Variants in RANBP17 observed in about 807,000 individuals in gnomAD.
The protein encoded by RANBP17 is ran-binding protein 17.
In RANBP17, 158 loss-of-function variants were observed where a neutral mutation model predicts 141.2. That is an observed-to-expected ratio of 1.12 (90% CI 0.98 to 1.28). The LOEUF is 1.28. RANBP17 is among the 50% of genes most tolerant of loss of function. The pLI is 0.00. For synonymous variants in RANBP17, 430 were observed against 450.0 expected (o/e 0.96, Z 0.56); for missense variants, 1,438 against 1,290.7 (o/e 1.11, Z -1.75).
At chr5:171,115,294 C>A (rs1014429260) in intron 14 of RANBP17, among the ~76,000 whole-genome samples, 1 of 152,022 alleles carries the variant, frequency 6.6e-6, no homozygotes, top group African/African-American at 2.4e-5. Flanking sequence ...TTAGCAAATT[C>A]TACTCCCATT....
intron 14 of RANBP17, among the ~76,000 whole-genome samples, chr5:170,986,743 C>T (rs1196993568): frequency 2.6e-5 from 4 of 151,810 alleles, no homozygotes; most frequent in Non-Finnish European, 4.4e-5. Flanking sequence ...ACTTATTATT[C>T]AACCTTTTTC....
intron 25 of RANBP17, among the ~76,000 whole-genome samples, chr5:171,272,094 A>G (rs189409421): frequency 1.3e-5 from 2 of 152,346 alleles, no homozygotes; most frequent in African/African-American, 2.4e-5. Context: ...ACGCAGAAGC[A>G]GAAAACTAAA....
chr5:171,107,314 G>A (rs962551739), intron 14 of RANBP17, among the ~76,000 whole-genome samples: 7 of 152,152 alleles, frequency 4.6e-5, no homozygotes, highest in African/African-American at 1.7e-4. Context: ...CACATGATAT[G>A]TTCAGAACTA....
At chr5:171,224,187 C>A (rs1047115257) in intron 22 of RANBP17, among the ~76,000 whole-genome samples, 7 of 152,202 alleles carry the variant, frequency 4.6e-5, no homozygotes, top group South Asian at 4.1e-4. Flanking sequence ...CCACACTGCC[C>A]TGCTTCCTCT....
chr5:171,295,869 T>A lies in RANBP17; in HGVS notation c.3043-18T>A. 1 of 1,611,220 alleles carries A rather than the reference T, an allele frequency of 6.2e-7. No individual in the cohort carries two copies. Among genetic ancestry groups the A allele is most frequent in the Non-Finnish European group, 8.5e-7 (1 of 1,178,198 alleles). ...GGACTTGGAGTCGGAGCTCTGACAC[T>A]ATTCTGTCTCCCATCAGTATTTCAG... On this transcript the variant is annotated intron_variant, in intron 26 of 27. Coordinates refer to ENST00000523189, the MANE Select transcript of RANBP17 (RefSeq NM_022897.5).
chr5:171,110,863 AT>A (rs35915171), intron 14 of RANBP17, among the ~76,000 whole-genome samples: 357 of 147,054 alleles, frequency 2.4e-3, no homozygotes, highest in African/African-American at 7.4e-3. Context: ...TTTTTTTTTA[AT>A]TTTTTTTTTA....
chr5:170,890,149 G>A (rs1024412024), intron 3 of RANBP17, among the ~76,000 whole-genome samples: 1 of 152,066 alleles, frequency 6.6e-6, no homozygotes, highest in African/African-American at 2.4e-5. Context: ...CCTCCTCCTA[G>A]TGGTCACTAC....
At position 171,171,191 on chromosome 5, in the gene RANBP17, T is replaced by G. The variant is rs1463845032; in HGVS notation, c.1785-15T>G. 1.4e-6 allele frequency: 2 copies of G among 1,459,694 alleles called. No homozygotes were observed. The highest frequency in any genetic ancestry group is 1.9e-5 in the Admixed American group (1 of 52,766). The allele number at this position is 1,459,694 out of a possible 1,614,324, so 90.4% of individuals were successfully genotyped here. ...AATATCTTACTTATAATTAAAGACT[T>G]TTTTTCATATTTAGTGTTACAAACC... On this transcript the variant is annotated splice_polypyrimidine_tract_variant and intron_variant, in intron 15 of 27. Transcript: ENST00000523189.
At chr5:170,946,427 A>C (rs561734558) in intron 12 of RANBP17, among the ~76,000 whole-genome samples, 155 of 152,164 alleles carry the variant, frequency 1.0e-3, no homozygotes, top group Non-Finnish European at 1.6e-3. Flanking sequence ...CCATTACATG[A>C]AGTGTATAAC....
intron 14 of RANBP17, among the ~76,000 whole-genome samples, chr5:170,996,090 C>G (rs1292524351): frequency 2.6e-5 from 4 of 152,016 alleles, no homozygotes; most frequent in Admixed American, 2.0e-4. Flanking sequence ...TTCAGTTACC[C>G]TCCATAGCCC....
In RANBP17 at chr5:171,053,925, A is replaced by ATATATATATATATATATATT. The variant is rs1491125081; in HGVS notation, c.1710+85548_1710+85549insTATATATATATATATATATT. ...TATATATATATATATATATATATAT[A>ATATATATATATATATATATT]ATTGCTGTATTTGATGCATATATGC... On this transcript the variant is annotated intron_variant, in intron 14 of 27. Transcript: ENST00000523189. Among the ~76,000 whole-genome samples, 2 of 32,372 alleles carry ATATATATATATATATATATT rather than the reference A, an allele frequency of 6.2e-5. 1 individual carries two copies. Among genetic ancestry groups the ATATATATATATATATATATT allele is most frequent in the Non-Finnish European group, 1.3e-4 (2 of 15,106 alleles). The allele number at this position is 32,372 out of a possible 152,430, so 21.2% of individuals were successfully genotyped here.
At chr5:170,955,539 T>G (rs1338276294) in intron 13 of RANBP17, among the ~76,000 whole-genome samples, 1 of 107,910 alleles carries the variant, frequency 9.3e-6, no homozygotes, top group Non-Finnish European at 1.9e-5. Flanking sequence ...TGTATATATA[T>G]ATATGCTCAG....
chr5:171,177,783 G>C (rs555908056), intron 16 of RANBP17, among the ~76,000 whole-genome samples: 1 of 152,174 alleles, frequency 6.6e-6, no homozygotes, highest in South Asian at 2.1e-4. Flanking sequence ...ATCTGGGTAT[G>C]AATGTAATAT....
intron 8 of RANBP17, among the ~76,000 whole-genome samples, chr5:170,915,062 T>C (rs1029149398): frequency 1.1e-4 from 17 of 152,162 alleles, no homozygotes; most frequent in African/African-American, 4.1e-4. Context: ...CTTTTTAAAC[T>C]GGGTTTCTCA....
At chr5:170,936,741 C>T (rs907063628) in intron 12 of RANBP17, among the ~76,000 whole-genome samples, 4 of 152,028 alleles carry the variant, frequency 2.6e-5, no homozygotes, top group Non-Finnish European at 4.4e-5. Flanking sequence ...AGATAATGTT[C>T]ATATATTCTT....
chr5:171,164,926 G>T (rs1478047848), intron 14 of RANBP17, among the ~76,000 whole-genome samples: 1 of 152,172 alleles, frequency 6.6e-6, no homozygotes, highest in Non-Finnish European at 1.5e-5. Context: ...CAGATTATAA[G>T]ATTTTGTTTA....
chr5:171,260,329 A>G (rs972844405), intron 24 of RANBP17, among the ~76,000 whole-genome samples: 2 of 148,264 alleles, frequency 1.3e-5, no homozygotes, highest in Non-Finnish European at 3.0e-5. Context: ...TTATCTGGGC[A>G]TGGTGGCACA....
chr5:171,203,809 C>G (rs1002467606), intron 19 of RANBP17, among the ~76,000 whole-genome samples: 7 of 152,074 alleles, frequency 4.6e-5, no homozygotes, highest in African/African-American at 1.7e-4. Context: ...GTAGATATCT[C>G]ATGTGTATGT....
intron 14 of RANBP17, among the ~76,000 whole-genome samples, chr5:171,147,359 G>GTGTGTGTGTGTGTGTA (rs1758111189): frequency 6.8e-6 from 1 of 146,484 alleles, no homozygotes; most frequent in Non-Finnish European, 1.5e-5. Context: ...GTGTGTGTGT[G>GTGTGTGTGTGTGTGTA]TGTGTGTGTG....
Sources: gnomAD v4.1 joint callset for allele counts (sites outside exome capture counted in the v4.1 genomes callset) on GRCh38, gnomAD v4.1.1 for gene constraint, MANE v1.5 for transcripts, NCBI Gene and HGNC (gene_info 2026-07-23, HGNC 2026-07-21) for gene names.